MDGA2: variants seen among roughly 807,000 people sequenced by gnomAD.
The protein encoded by MDGA2 is MAM domain-containing glycosylphosphatidylinositol anchor protein 2.
In MDGA2, 40 loss-of-function variants were observed where a neutral mutation model predicts 117.8. The ratio of observed to expected loss-of-function variants is 0.34; its 90% CI spans 0.26 to 0.44. The LOEUF (loss-of-function observed/expected upper bound fraction) is 0.44. Ranked by LOEUF, MDGA2 falls within the 20% of genes least tolerant of loss-of-function variation. MDGA2 has a pLI of 1.00. For missense variants in MDGA2, 1,123 were observed against 1,250.6 expected, an observed-to-expected ratio of 0.90 and a Z score of 1.54; for synonymous variants, 452 against 439.0, an observed-to-expected ratio of 1.03 and a Z score of -0.37.
At chr14:47,584,516 T>C (rs1896287712) in intron 1 of MDGA2, among the ~76,000 whole-genome samples, 1 of 151,800 alleles carries the variant, frequency 6.6e-6, no homozygotes, top group Non-Finnish European at 1.5e-5. Context: ...TAACCAAATT[T>C]CATATTTCTT....
intron 1 of MDGA2, among the ~76,000 whole-genome samples, chr14:47,525,551 G>A (rs1472956439): frequency 6.6e-6 from 1 of 152,028 alleles, no homozygotes; most frequent in Admixed American, 6.6e-5. Context: ...CGGGCGTGGT[G>A]GCACACAGCT....
chr14:47,315,846 A>G (rs1395222128), intron 1 of MDGA2, among the ~76,000 whole-genome samples: 1 of 152,122 alleles, frequency 6.6e-6, no homozygotes, highest in Non-Finnish European at 1.5e-5. Flanking sequence ...AAGAAAAAAA[A>G]GCAATGTTAT....
intron 3 of MDGA2, among the ~76,000 whole-genome samples, chr14:47,185,510 G>A (rs954330138): frequency 6.6e-6 from 1 of 151,392 alleles, no homozygotes; most frequent in Non-Finnish European, 1.5e-5. Context: ...TTTGTACACA[G>A]TATCAAAATT....
At chr14:47,411,211 C>A (rs1427027887) in intron 1 of MDGA2, among the ~76,000 whole-genome samples, 1 of 151,978 alleles carries the variant, frequency 6.6e-6, no homozygotes, top group Non-Finnish European at 1.5e-5. Context: ...AATAGGAATA[C>A]CATAAACGTC....
chr14:47,380,783 C>G (rs962883429), intron 1 of MDGA2, among the ~76,000 whole-genome samples: 2 of 151,920 alleles, frequency 1.3e-5, no homozygotes, highest in African/African-American at 4.8e-5. Context: ...ACCAGAGGTA[C>G]AAGCAGGAGC....
In MDGA2 at chr14:46,897,242, G is replaced by A. The variant is rs147006059; in HGVS notation, c.2239-15021C>T. Among the ~76,000 whole-genome samples, 10 of 152,070 alleles carry A rather than the reference G, an allele frequency of 6.6e-5. 1 individual carries two copies. The highest frequency in any genetic ancestry group is 2.2e-4 in the African/African-American group (9 of 41,484). ...CTAGTATCACTCTCCACTGAAGTGT[G>A]CCTATGTTTAAATATTATTTTAACT... On this transcript the variant is annotated intron_variant, in intron 10 of 16. Coordinates refer to ENST00000399232, the MANE Select transcript of MDGA2 (RefSeq NM_001113498.3).
chr14:47,278,393 T>C (rs1272118085), intron 2 of MDGA2, among the ~76,000 whole-genome samples: 1 of 151,632 alleles, frequency 6.6e-6, no homozygotes, highest in Non-Finnish European at 1.5e-5. Context: ...AAGCCAGAAC[T>C]CAGACTGTGA....
chr14:47,122,822 T>C (rs1400458755), intron 5 of MDGA2, among the ~76,000 whole-genome samples: 1 of 152,052 alleles, frequency 6.6e-6, no homozygotes, highest in Non-Finnish European at 1.5e-5. Flanking sequence ...TCTAGCAAGT[T>C]TGAAAATTAA....
chr14:47,427,481 G>A (rs1892714442), intron 1 of MDGA2, among the ~76,000 whole-genome samples: 1 of 151,688 alleles, frequency 6.6e-6, no homozygotes, highest in South Asian at 2.1e-4. Context: ...CAAGAAAAAA[G>A]TTTTTGGACC....
intron 8 of MDGA2, among the ~76,000 whole-genome samples, chr14:47,034,381 C>A (rs767056708): frequency 3.4e-4 from 52 of 152,048 alleles, no homozygotes; most frequent in Admixed American, 3.9e-4. Flanking sequence ...TTATTCAATT[C>A]TCAGAGTAAA....
At chr14:47,255,602 A>G (rs1255508901) in intron 2 of MDGA2, among the ~76,000 whole-genome samples, 12 of 152,102 alleles carry the variant, frequency 7.9e-5, no homozygotes, top group Non-Finnish European at 1.3e-4. Flanking sequence ...TTTTCTTTTC[A>G]GCTTCCCCAA....
At chr14:47,143,664 C>T (rs1882817235) in intron 4 of MDGA2, among the ~76,000 whole-genome samples, 1 of 151,964 alleles carries the variant, frequency 6.6e-6, no homozygotes, top group Admixed American at 6.6e-5. Flanking sequence ...AAACTAAAGC[C>T]AAATAAATTT....
intron 4 of MDGA2, among the ~76,000 whole-genome samples, chr14:47,140,937 GAACTC>G (rs763632317): frequency 1.9e-4 from 29 of 151,818 alleles, no homozygotes; most frequent in African/African-American, 3.4e-4. Flanking sequence ...AAAATACACA[GAACTC>G]AACTCAATAG....
At chr14:47,480,461 C>T (rs1432955106) in intron 1 of MDGA2, among the ~76,000 whole-genome samples, 1 of 151,858 alleles carries the variant, frequency 6.6e-6, no homozygotes, top group Admixed American at 6.6e-5. Context: ...ACATTTAGTT[C>T]CCAATTGCTT....
At chr14:47,572,528 T>G (rs1896039894) in intron 1 of MDGA2, among the ~76,000 whole-genome samples, 1 of 152,202 alleles carries the variant, frequency 6.6e-6, no homozygotes, top group Non-Finnish European at 1.5e-5. Context: ...GTTTAAGGGA[T>G]GAATTGGTGG....
chr14:46,973,016 A>T (rs1483741816), intron 8 of MDGA2, among the ~76,000 whole-genome samples: 1 of 152,190 alleles, frequency 6.6e-6, no homozygotes, highest in African/African-American at 2.4e-5. Flanking sequence ...GTTTATGAGG[A>T]GATGCTGTGC....
intron 3 of MDGA2, among the ~76,000 whole-genome samples, chr14:47,146,636 T>C (rs1161440119): frequency 6.6e-6 from 1 of 152,210 alleles, no homozygotes; most frequent in Non-Finnish European, 1.5e-5. Context: ...ATTTACTTTT[T>C]TTCTTGTTCA....
chr14:47,417,780 T>C (rs541950242), intron 1 of MDGA2, among the ~76,000 whole-genome samples: 2 of 152,250 alleles, frequency 1.3e-5, no homozygotes, highest in East Asian at 3.9e-4. Flanking sequence ...AGTGGCACCA[T>C]CACTCACTGC....
intron 3 of MDGA2, among the ~76,000 whole-genome samples, chr14:47,188,946 A>T (rs1055858278): frequency 6.6e-6 from 1 of 152,148 alleles, no homozygotes; most frequent in Admixed American, 6.5e-5. Flanking sequence ...AAGGATGAAA[A>T]TGTGTGGTGT....
Sources: allele counts gnomAD v4.1 joint callset (sites outside exome capture counted in the v4.1 genomes callset), GRCh38; gene constraint gnomAD v4.1.1; transcripts MANE v1.5; gene names NCBI Gene and HGNC (gene_info 2026-07-23, HGNC 2026-07-21).